Variants in ADGRV1 observed in about 807,000 individuals in gnomAD.
The protein encoded by ADGRV1 is G-protein coupled receptor 98.
In ADGRV1, 359 loss-of-function variants were observed where a neutral mutation model predicts 596.2. The observed-to-expected ratio is 0.60, with a 90% confidence interval of 0.55 to 0.66. The LOEUF (loss-of-function observed/expected upper bound fraction) is 0.66. Among genes scored for constraint, ADGRV1 ranks in the 30% least tolerant of loss-of-function variants. The probability of loss-of-function intolerance (pLI) is 0.00; values close to 1 mark genes in which losing one functional copy is unlikely to be tolerated. For synonymous variants in ADGRV1, 2,681 were observed against 2,679.2 expected (o/e 1.00, Z -0.02); for missense variants, 7,274 against 7,575.6 (o/e 0.96, Z 1.48).
At chr5:90,625,036 A>T in intron 5 of ADGRV1, 94 bp from the exon 6 acceptor site, 1 of 713,516 alleles carries the variant, frequency 1.4e-6, no homozygotes, top group South Asian at 1.8e-5. Context: ...ACATCTTTAA[A>T]CTTCAGATTT....
Position 90,658,164 on chromosome 5 carries a change from TTCTG to T in ADGRV1, c.4640_4643del (p.Ser1547TyrfsTer16), listed in dbSNP as rs1769692343. On this transcript the variant is annotated frameshift_variant, in exon 21 of 90. Coordinates refer to ENST00000405460, the MANE Select transcript of ADGRV1 (RefSeq NM_032119.4). LOFTEE classifies it high-confidence loss of function. Reference sequence around the variant, plus strand: ...AAGAATTATTCATTCTTAAACTAGTTTCTGTATATGGAGGAGCTCGTATTTCGGA... The same window carrying T: ...AAGAATTATTCATTCTTAAACTAGTTTATATGGAGGAGCTCGTATTTCGGA... 1.2e-6 allele frequency: 2 copies of T among 1,611,940 alleles called. No individual in the cohort carries two copies. Among genetic ancestry groups the T allele is most frequent in the Non-Finnish European group, 1.7e-6 (2 of 1,178,454 alleles).
chr5:90,585,699 A>G (rs1758667450), intron 1 of ADGRV1, among the ~76,000 whole-genome samples: 1 of 152,136 alleles, frequency 6.6e-6, no homozygotes, highest in African/African-American at 2.4e-5. Flanking sequence ...ATTGAAGGAG[A>G]TCTAGATTAG....
rs1752145296 is a variant in ADGRV1, at chr5:90,728,825, A to G, written c.10318A>G (p.Ser3440Gly). ...CTCCCTTTTATTCAGATGGTCTGGC[A>G]GTGGGTTTATTAACTTTCAAGAGGT... ...LNSLLFRWSG[S>G]GFINFQEVPV... Residue 3440 changes from serine to glycine, a missense_variant, in exon 49 of 90, where the codon AGT becomes GGT. By Grantham distance (56) the Ser-to-Gly change is moderately conservative (BLOSUM62 0). This residue lies in a region of ADGRV1 where 3,643 missense variants were observed against 3,809.2 expected (regional missense o/e 0.96). Transcript: ENST00000405460. 3 of 1,613,854 alleles carry G rather than the reference A, an allele frequency of 1.9e-6. No homozygotes were observed. The highest frequency in any genetic ancestry group is 1.3e-5 in the African/African-American group (1 of 74,940).
chr5:91,069,709 C>T (rs566193557), intron 85 of ADGRV1, among the ~76,000 whole-genome samples: 3 of 152,158 alleles, frequency 2.0e-5, no homozygotes, highest in Non-Finnish European at 2.9e-5. Flanking sequence ...GGAGATTTCT[C>T]AGCGAACTTA....
Position 90,652,583 on chromosome 5 carries a change from CTTATT to C in ADGRV1, c.3634+27_3634+31del. ...TTTCAGGTACTGTGTTTTTCCATGT[CTTATT>C]TTATTTCCATGTCTTATTTATACTA... On this transcript the variant is annotated intron_variant, in intron 19 of 89. Transcript: ENST00000405460. The C allele has an allele frequency of 2.1e-6, 3 of 1,462,916 alleles. No homozygotes were observed. The highest frequency in any genetic ancestry group is 2.8e-6 in the Non-Finnish European group (3 of 1,066,896). The allele number at this position is 1,462,916 out of a possible 1,614,324, so 90.6% of individuals were successfully genotyped here.
Position 90,642,759 on chromosome 5 carries a change from A to G in ADGRV1, c.2364A>G (p.Ile788Met), listed in dbSNP as rs751037860. Residue 788 changes from isoleucine (I) to methionine (M), a missense_variant, in exon 12 of 90, where the codon ATA (isoleucine) becomes ATG (methionine). This residue lies in a region of ADGRV1 where 1,715 missense variants were observed against 1,708.8 expected (regional missense o/e 1.00). Coordinates refer to ENST00000405460, the MANE Select transcript of ADGRV1 (RefSeq NM_032119.4). ...CTGCTTCCAGAGGACCCTATGTTATAAAAGTAAGTACGAAAAAAACTTCCA... is the reference window on the plus strand; with the variant it reads ...CTGCTTCCAGAGGACCCTATGTTATGAAAGTAAGTACGAAAAAAACTTCCA... ...FSPASRGPYV[I>M]KEGESVELHI... 6.2e-7 allele frequency: 1 copy of G among 1,611,094 alleles called. No homozygotes were observed. The highest frequency in any genetic ancestry group is 8.5e-7 in the Non-Finnish European group (1 of 1,178,966).
chr5:90,623,354 C>T (rs1764335980), intron 5 of ADGRV1, among the ~76,000 whole-genome samples: 2 of 152,020 alleles, frequency 1.3e-5, no homozygotes, highest in Admixed American at 6.6e-5. Flanking sequence ...TTTTAAAATA[C>T]CCATGGATTA....
chr5:90,596,596 C>T (rs560168293), intron 1 of ADGRV1, among the ~76,000 whole-genome samples: 9 of 152,220 alleles, frequency 5.9e-5, no homozygotes, highest in Admixed American at 3.3e-4. Context: ...GAGACCAGCC[C>T]GGCCAACACA....
intron 74 of ADGRV1, among the ~76,000 whole-genome samples, chr5:90,814,855 G>A (rs1381069841): frequency 6.6e-6 from 1 of 152,086 alleles, no homozygotes; most frequent in East Asian, 1.9e-4. Flanking sequence ...TGCAAAACAG[G>A]GCCATGGAGA....
At chr5:91,136,333 T>A (rs920707460) in intron 87 of ADGRV1, among the ~76,000 whole-genome samples, 17 of 152,140 alleles carry the variant, frequency 1.1e-4, no homozygotes, top group African/African-American at 3.6e-4. Flanking sequence ...AGAATTGTAT[T>A]TAGACCTACA....
intron 88 of ADGRV1, among the ~76,000 whole-genome samples, chr5:91,152,654 T>G (rs1175107548): frequency 6.6e-6 from 1 of 152,078 alleles, no homozygotes; most frequent in Non-Finnish European, 1.5e-5. Flanking sequence ...TTATTTTGTT[T>G]TGTTTTGTTT....
At chr5:90,636,429 G>T (rs1223523716) in intron 10 of ADGRV1, among the ~76,000 whole-genome samples, 1 of 151,996 alleles carries the variant, frequency 6.6e-6, no homozygotes, top group Admixed American at 6.6e-5. Context: ...AGATGGTTTT[G>T]ATTTTTCATA....
intron 85 of ADGRV1, among the ~76,000 whole-genome samples, chr5:90,994,014 G>A (rs1395664048): frequency 6.8e-6 from 1 of 146,400 alleles, no homozygotes; most frequent in Non-Finnish European, 1.5e-5. Flanking sequence ...CCTATTGTTT[G>A]GCATCATTAG....
At chr5:90,767,472 T>C (rs1757264010) in intron 59 of ADGRV1, among the ~76,000 whole-genome samples, 1 of 152,124 alleles carries the variant, frequency 6.6e-6, no homozygotes, top group Non-Finnish European at 1.5e-5. Flanking sequence ...TATTGAAAAT[T>C]GTAAGAGACT....
intron 50 of ADGRV1, among the ~76,000 whole-genome samples, chr5:90,733,578 T>A (rs1401287457): frequency 6.6e-6 from 1 of 152,188 alleles, no homozygotes; most frequent in Admixed American, 6.5e-5. Flanking sequence ...CATTTAACAT[T>A]TAGGCAGTGT....
At chr5:90,679,858 G>C (rs1744708901) in intron 26 of ADGRV1, among the ~76,000 whole-genome samples, 1 of 152,110 alleles carries the variant, frequency 6.6e-6, no homozygotes, top group Non-Finnish European at 1.5e-5. Flanking sequence ...CCAAAACCCA[G>C]ACTCTCCTTC....
At position 90,725,682 on chromosome 5, in the gene ADGRV1, G is replaced by T. The variant is rs4916815; in HGVS notation, c.10161+26G>T. ...GTTTGATTCTTTTAAAATGAAGTGG[G>T]TTTTTTTTTGCTTTTCTTTTTAACA... On this transcript the variant is annotated intron_variant, in intron 48 of 89. Transcript: ENST00000405460. 494,535 of 943,320 alleles carry T rather than the reference G, an allele frequency of 0.52. 130,791 individuals are homozygous for T. Among genetic ancestry groups the T allele is most frequent in the East Asian group, 0.78 (28,898 of 36,910 alleles). The allele number at this position is 943,320 out of a possible 1,614,324, so 58.4% of individuals were successfully genotyped here. A position where few individuals can be genotyped will look rare whatever the true frequency, so the allele number is the denominator to read the frequency against.
At chr5:90,753,144 T>C (rs16869079) in intron 53 of ADGRV1, among the ~76,000 whole-genome samples, 8,539 of 152,232 alleles carry the variant, frequency 0.056, 805 homozygotes, top group African/African-American at 0.2. Context: ...GATTCATTGC[T>C]TAGTGATACA....
intron 10 of ADGRV1, 39 bp downstream of exon 10, chr5:90,635,329 A>G (rs747049564): frequency 1.3e-6 from 2 of 1,525,740 alleles, no homozygotes; most frequent in Admixed American, 1.9e-5. Context: ...GCTAATGAGT[A>G]TGAAGTAATG....
Sources: gnomAD v4.1 joint callset for allele counts (sites outside exome capture counted in the v4.1 genomes callset) on GRCh38, gnomAD v4.1.1 for gene constraint, gnomAD v4.1.1 regional missense constraint, MANE v1.5 for transcripts, NCBI Gene and HGNC (gene_info 2026-07-23, HGNC 2026-07-21) for gene names.